TRAPPC12: variants seen among roughly 807,000 people sequenced by gnomAD.
The protein encoded by TRAPPC12 is trafficking protein particle complex subunit 12.
In TRAPPC12, 61 loss-of-function variants were observed where a neutral mutation model predicts 69.2. The ratio of observed to expected loss-of-function variants is 0.88; its 90% CI spans 0.72 to 1.09. TRAPPC12 has a LOEUF of 1.09. Among genes scored for constraint, TRAPPC12 ranks in the 50% least tolerant of loss-of-function variants. The pLI is 0.00. For missense variants in TRAPPC12, 1,101 were observed against 1,016.4 expected (o/e 1.08, Z -1.13); for synonymous variants, 469 against 438.9 (o/e 1.07, Z -0.86).
chr2:3,435,530 C>T (rs1166110821), intron 5 of TRAPPC12, among the ~76,000 whole-genome samples: 1 of 152,106 alleles, frequency 6.6e-6, no homozygotes. Context: ...CTCCCAAAAG[C>T]AGTAGAAATG....
intron 2 of TRAPPC12, among the ~76,000 whole-genome samples, chr2:3,397,746 T>C (rs751263613): frequency 2.1e-4 from 32 of 152,246 alleles, no homozygotes; most frequent in Non-Finnish European, 4.6e-4. Flanking sequence ...GTATATTCTT[T>C]CTGACACATA....
intron 6 of TRAPPC12, among the ~76,000 whole-genome samples, chr2:3,449,718 GC>G (rs1276905583): frequency 6.6e-6 from 1 of 152,098 alleles, no homozygotes; most frequent in Non-Finnish European, 1.5e-5. Flanking sequence ...CACTGTCAGG[GC>G]CAGGACTCAG....
At chr2:3,436,322 T>A (rs772760768) in intron 5 of TRAPPC12, among the ~76,000 whole-genome samples, 5 of 152,174 alleles carry the variant, frequency 3.3e-5, no homozygotes, top group Admixed American at 6.5e-5. Flanking sequence ...TCTTTTTTCA[T>A]GTGGCAATCC....
intron 2 of TRAPPC12, among the ~76,000 whole-genome samples, chr2:3,401,052 G>T (rs1390609258): frequency 6.6e-6 from 1 of 152,228 alleles, no homozygotes; most frequent in Non-Finnish European, 1.5e-5. Context: ...AGAGGAGTCA[G>T]GTCAGGAGTA....
rs182620712 is a variant in TRAPPC12 at position 3,473,390 on chromosome 2, G to A, written c.1777-4305G>A. 3.3e-4 allele frequency among the ~76,000 whole-genome samples: 51 copies of A among 152,364 alleles called. No homozygotes were observed. The East Asian group carries it at 9.8e-3, about 29-fold the overall frequency. ...CCAGTTGGAATGGAACAGTTTTTCT[G>A]ATAAGCTTTAAAATACAAGAATGTT... On this transcript the variant is annotated intron_variant, in intron 9 of 11. Transcript: ENST00000324266.
At chr2:3,397,290 G>A (rs1202091897) in intron 2 of TRAPPC12, among the ~76,000 whole-genome samples, 4 of 152,068 alleles carry the variant, frequency 2.6e-5, no homozygotes, top group African/African-American at 9.7e-5. Flanking sequence ...TCTACTTTTG[G>A]GTGACCTTTC....
intron 8 of TRAPPC12, among the ~76,000 whole-genome samples, chr2:3,463,280 G>A (rs1665608045): frequency 6.6e-6 from 1 of 151,898 alleles, no homozygotes; most frequent in Non-Finnish European, 1.5e-5. Context: ...GCCCCCTGAA[G>A]TGCCCCAGAA....
chr2:3,468,849 C>G (rs1239650772), intron 9 of TRAPPC12, among the ~76,000 whole-genome samples: 2 of 152,202 alleles, frequency 1.3e-5, no homozygotes, highest in Admixed American at 6.5e-5. Context: ...CCCCCAATGC[C>G]GCATCTCAGC....
intron 9 of TRAPPC12, among the ~76,000 whole-genome samples, chr2:3,468,774 G>A (rs904351294): frequency 9.4e-5 from 14 of 149,504 alleles, no homozygotes; most frequent in Admixed American, 2.7e-4. Flanking sequence ...GTGTCCCCAC[G>A]CACGTATCCG....
In TRAPPC12 at chr2:3,463,619, G is replaced by A. The variant is rs538768769; in HGVS notation, c.1678-1978G>A. Among the ~76,000 whole-genome samples the A allele has an allele frequency of 2.2e-3, 333 of 151,062 alleles. 5 individuals carry two copies. Among genetic ancestry groups the A allele is most frequent in the African/African-American group, 3.3e-3 (137 of 41,078 alleles). On this transcript the variant is annotated intron_variant, in intron 8 of 11. Transcript: ENST00000324266. The stretch of plus-strand genomic sequence containing the variant: ...CCCTGGCCCTGAGCACTGAAAGAGC[G>A]GTTAGGGTGATGCGGCTGGCCACGG...
intron 2 of TRAPPC12, among the ~76,000 whole-genome samples, chr2:3,397,473 G>C (rs1406326321): frequency 6.6e-6 from 1 of 152,186 alleles, no homozygotes; most frequent in African/African-American, 2.4e-5. Flanking sequence ...GGGCTTGTCA[G>C]CTCACAGCAC....
chr2:3,416,100 T>A (rs1662376947), intron 3 of TRAPPC12, among the ~76,000 whole-genome samples: 1 of 152,170 alleles, frequency 6.6e-6, no homozygotes, highest in Non-Finnish European at 1.5e-5. Context: ...TGGTAGCCAT[T>A]TGTTCTGTAT....
chr2:3,409,080 C>G (rs1319968305), intron 3 of TRAPPC12, among the ~76,000 whole-genome samples: 1 of 152,244 alleles, frequency 6.6e-6, no homozygotes, highest in African/African-American at 2.4e-5. Context: ...CCAGTCCCCT[C>G]TGGTGCCATG....
At chr2:3,432,155 A>C (rs757925912) in intron 5 of TRAPPC12, among the ~76,000 whole-genome samples, 7 of 152,244 alleles carry the variant, frequency 4.6e-5, no homozygotes, top group Non-Finnish European at 7.3e-5. Context: ...CAGTTTAAGA[A>C]GTATAGTGCT....
intron 9 of TRAPPC12, among the ~76,000 whole-genome samples, chr2:3,471,841 G>C (rs893625936): frequency 2.8e-5 from 4 of 144,630 alleles, no homozygotes; most frequent in Non-Finnish European, 5.9e-5. Flanking sequence ...GGTCTGAGAG[G>C]ATCCTCACTT....
chr2:3,467,453 C>T (rs1331190885), intron 9 of TRAPPC12: 1 of 152,232 alleles, frequency 6.6e-6, no homozygotes, highest in Non-Finnish European at 1.5e-5. Flanking sequence ...CAATACCTAG[C>T]TATTTGGGAT....
chr2:3,433,808 A>C (rs1213180266), intron 5 of TRAPPC12, among the ~76,000 whole-genome samples: 1 of 152,228 alleles, frequency 6.6e-6, no homozygotes, highest in African/African-American at 2.4e-5. Context: ...GGCAGGTCAC[A>C]ACTATACATG....
chr2:3,434,438 T>C (rs1663638144), intron 5 of TRAPPC12, among the ~76,000 whole-genome samples: 1 of 152,256 alleles, frequency 6.6e-6, no homozygotes, highest in Non-Finnish European at 1.5e-5. Context: ...ATTTTTATTC[T>C]TTAAGATTTT....
At chr2:3,383,986 C>T (rs1420962854) in intron 1 of TRAPPC12, among the ~76,000 whole-genome samples, 1 of 145,246 alleles carries the variant, frequency 6.9e-6, no homozygotes, top group Non-Finnish European at 1.5e-5. Flanking sequence ...ACCTCCGCCT[C>T]CTGGGTTCAA....
Sources: gnomAD v4.1 joint callset for allele counts (sites outside exome capture counted in the v4.1 genomes callset) on GRCh38, gnomAD v4.1.1 for gene constraint, MANE v1.5 for transcripts, NCBI Gene and HGNC (gene_info 2026-07-23, HGNC 2026-07-21) for gene names.